Variants in EDDM13 observed in about 807,000 individuals in gnomAD.
The protein encoded by EDDM13 is epididymal protein 13.
A neutral mutation model predicts 17.8 loss-of-function variants in EDDM13; 24 were observed. The observed-to-expected ratio is 1.35, with a 90% CI of 0.98 to 1.90. The LOEUF (loss-of-function observed/expected upper bound fraction) is 1.90. Among genes scored for constraint, EDDM13 ranks in the 40% most tolerant of loss-of-function variants. The probability of loss-of-function intolerance (pLI) is 0.00; values close to 1 mark genes in which losing one functional copy is unlikely to be tolerated. For missense variants in EDDM13, 97 were observed against 100.8 expected, an observed-to-expected ratio of 0.96 and a Z score of 0.16; for synonymous variants, 31 against 37.5, an observed-to-expected ratio of 0.83 and a Z score of 0.63.
At position 56,281,681 on chromosome 19, in the gene EDDM13, T is replaced by C; in HGVS notation, c.104-12T>C. ...TTGATTCACTGGCTCCTGGCTCTGC[T>C]GCCCCTTCCAGTCAACTGTAAGTCA... On this transcript the variant is annotated splice_polypyrimidine_tract_variant and intron_variant, in intron 2 of 14. Transcript: ENST00000649256. The C allele has an allele frequency of 1.0e-6, 1 of 985,368 alleles. No individual in the cohort carries two copies. The highest frequency in any genetic ancestry group is 1.2e-6 in the Non-Finnish European group (1 of 829,874). The allele number at this position is 985,368 out of a possible 1,614,324, so 61.0% of individuals were successfully genotyped here. A position where few individuals can be genotyped will look rare whatever the true frequency, so the allele number is the denominator to read the frequency against.
intron 14 of EDDM13, among the ~76,000 whole-genome samples, chr19:56,305,357 G>A (rs1192799869): frequency 6.6e-6 from 1 of 152,118 alleles, no homozygotes; most frequent in Non-Finnish European, 1.5e-5. Flanking sequence ...CTTTGCATCT[G>A]GGTTTATTCA....
intron 9 of EDDM13, chr19:56,295,095 G>A (rs1173226873): frequency 6.6e-6 from 1 of 152,188 alleles, no homozygotes; most frequent in Non-Finnish European, 1.5e-5. Flanking sequence ...AATTGTTTGT[G>A]GTGATGGATG....
chr19:56,294,287 T>C (rs949345466), intron 9 of EDDM13, among the ~76,000 whole-genome samples: 1 of 152,236 alleles, frequency 6.6e-6, no homozygotes, highest in African/African-American at 2.4e-5. Flanking sequence ...GACCCTCACA[T>C]TAACCCAGGA....
intron 2 of EDDM13, among the ~76,000 whole-genome samples, chr19:56,276,492 G>A (rs991431605): frequency 6.9e-6 from 1 of 145,268 alleles, no homozygotes; most frequent in Non-Finnish European, 1.5e-5. Context: ...AAATTATTAA[G>A]GATCTAAAGA....
chr19:56,287,913 G>A (rs1183311031), intron 6 of EDDM13, among the ~76,000 whole-genome samples: 1 of 152,190 alleles, frequency 6.6e-6, no homozygotes, highest in Non-Finnish European at 1.5e-5. Flanking sequence ...TGACCAGCTC[G>A]TCCCAGGACA....
At chr19:56,287,033 G>GAGCT (rs1411070226) in intron 6 of EDDM13, among the ~76,000 whole-genome samples, 1 of 152,224 alleles carries the variant, frequency 6.6e-6, no homozygotes, top group Non-Finnish European at 1.5e-5. Flanking sequence ...AGATATTAGG[G>GAGCT]AGCTGGTGAA....
At chr19:56,280,312 C>A (rs2038593637) in intron 2 of EDDM13, among the ~76,000 whole-genome samples, 1 of 152,116 alleles carries the variant, frequency 6.6e-6, no homozygotes, top group Admixed American at 6.5e-5. Flanking sequence ...AATAATATTT[C>A]TTGTATGGAA....
intron 6 of EDDM13, among the ~76,000 whole-genome samples, chr19:56,285,441 T>A (rs531919702): frequency 6.6e-6 from 1 of 152,352 alleles, no homozygotes; most frequent in East Asian, 1.9e-4. Flanking sequence ...AAGTACTATG[T>A]GTTTTAGTGA....
rs183038518 is a variant in EDDM13 at position 56,285,020 on chromosome 19, G to A, written c.150G>A (p.Pro50=). 60 of 985,318 alleles carry A rather than the reference G, an allele frequency of 6.1e-5. No individual in the cohort carries two copies. Among genetic ancestry groups the A allele is most frequent in the Non-Finnish European group, 6.7e-5 (56 of 829,858 alleles). The allele number at this position is 985,318 out of a possible 1,614,324, so 61.0% of individuals were successfully genotyped here. ...GIIGLMSRLS[P]DGLRHNITSL... Reference sequence around the variant, plus strand: ...CAGGTCTCATGAGCAGACTGTCACCGGATGGTAAGTGTCAGGATTGTATCT... The same window carrying A: ...CAGGTCTCATGAGCAGACTGTCACCAGATGGTAAGTGTCAGGATTGTATCT... Residue 50 remains proline (P), a synonymous_variant, in exon 6 of 15, where the codon CCG becomes CCA. Transcript: ENST00000649256.
At chr19:56,306,395 G>A (rs1346101684) in intron 14 of EDDM13, among the ~76,000 whole-genome samples, 1 of 61,926 alleles carries the variant, frequency 1.6e-5, no homozygotes. Context: ...GCCAGAGAAA[G>A]TACTAAGGAC....
At chr19:56,305,699 C>T (rs2040640241) in intron 14 of EDDM13, among the ~76,000 whole-genome samples, 1 of 152,062 alleles carries the variant, frequency 6.6e-6, no homozygotes, top group African/African-American at 2.4e-5. Flanking sequence ...CACAAGAAAA[C>T]AATTAGATGA....
rs1257266479 is a variant in EDDM13, at chr19:56,273,168, A to G, written c.85+249A>G. Reference sequence around the variant, plus strand: ...ACTGATTCTGTGACTTTGGGGAGACACTGCGTCTGCAAACCTTGCTGTCCT... The same window carrying G: ...ACTGATTCTGTGACTTTGGGGAGACGCTGCGTCTGCAAACCTTGCTGTCCT... On this transcript the variant is annotated intron_variant, in intron 1 of 14. Coordinates refer to ENST00000649256, the MANE Select transcript of EDDM13 (RefSeq NM_001354658.2). 2.0e-5 allele frequency among the ~76,000 whole-genome samples: 3 copies of G among 152,278 alleles called. No individual in the cohort carries two copies. The East Asian group carries it at 5.8e-4, about 29-fold the overall frequency.
chr19:56,278,946 G>A (rs373005436), intron 2 of EDDM13, among the ~76,000 whole-genome samples: 1 of 152,188 alleles, frequency 6.6e-6, no homozygotes, highest in Non-Finnish European at 1.5e-5. Context: ...CACCCACCGT[G>A]AGGGTGGATC....
At chr19:56,306,041 G>A (rs1445363316) in intron 14 of EDDM13, among the ~76,000 whole-genome samples, 3 of 152,130 alleles carry the variant, frequency 2.0e-5, no homozygotes, top group African/African-American at 7.2e-5. Flanking sequence ...GACCACCTCA[G>A]ACCTGGAAGA....
intron 2 of EDDM13, among the ~76,000 whole-genome samples, chr19:56,276,805 G>A (rs1002802578): frequency 6.6e-6 from 1 of 151,942 alleles, no homozygotes; most frequent in Non-Finnish European, 1.5e-5. Flanking sequence ...CCAAAGTGCT[G>A]GGATTACAGG....
intron 8 of EDDM13, among the ~76,000 whole-genome samples, chr19:56,289,318 G>A (rs2039355054): frequency 6.6e-6 from 1 of 152,292 alleles, no homozygotes; most frequent in East Asian, 1.9e-4. Context: ...CAATGCGAGG[G>A]AGCTTACCCC....
At chr19:56,284,957 CTG>C (rs2038994295) in intron 5 of EDDM13, 39 bp from the exon 6 acceptor site, 73 of 970,034 alleles carry the variant, frequency 7.5e-5, no homozygotes, top group Non-Finnish European at 8.6e-5. Flanking sequence ...ATATTTCTTT[CTG>C]CTGCATTTGC....
intron 13 of EDDM13, among the ~76,000 whole-genome samples, chr19:56,303,251 G>A (rs141571572): frequency 0.01 from 1,527 of 152,084 alleles, 30 homozygotes; most frequent in African/African-American, 0.035. Flanking sequence ...AGGCTGAGGC[G>A]GCTGGATCAC....
intron 9 of EDDM13, among the ~76,000 whole-genome samples, chr19:56,291,873 G>A (rs143859449): frequency 4.1e-4 from 63 of 152,314 alleles, no homozygotes; most frequent in African/African-American, 1.4e-3. Context: ...GGATGGTGAT[G>A]ACAGTGATGG....
Sources: allele counts gnomAD v4.1 joint callset (sites outside exome capture counted in the v4.1 genomes callset), GRCh38; gene constraint gnomAD v4.1.1; transcripts MANE v1.5; gene names NCBI Gene and HGNC (gene_info 2026-07-23, HGNC 2026-07-21).